Variants in CBFA2T2 observed in about 807,000 individuals in gnomAD.
The protein encoded by CBFA2T2 is protein CBFA2T2.
A neutral mutation model predicts 62.2 loss-of-function variants in CBFA2T2; 11 were observed. The ratio of observed to expected loss-of-function variants is 0.18; its 90% CI spans 0.11 to 0.29. The LOEUF (loss-of-function observed/expected upper bound fraction) is 0.29. Among genes scored for constraint, CBFA2T2 ranks in the 10% least tolerant of loss-of-function variants. The pLI, the probability that CBFA2T2 is intolerant of heterozygous loss-of-function variation, is 1.00. For synonymous variants in CBFA2T2, 295 were observed against 287.5 expected (o/e 1.03, Z -0.27); for missense variants, 592 against 774.1 (o/e 0.76, Z 2.79).
At chr20:33,587,381 C>T (rs925803912) in intron 1 of CBFA2T2, among the ~76,000 whole-genome samples, 2 of 152,208 alleles carry the variant, frequency 1.3e-5, no homozygotes, top group Admixed American at 1.3e-4. Context: ...ATTCTCCTGC[C>T]TCAGCCTCCC....
At chr20:33,494,293 T>C (rs2011176770) in intron 1 of CBFA2T2, among the ~76,000 whole-genome samples, 1 of 89,588 alleles carries the variant, frequency 1.1e-5, no homozygotes, top group Non-Finnish European at 2.3e-5. Context: ...TTTTTTTTTT[T>C]TTTTTTGAGA....
rs759083006 is a variant in CBFA2T2, at chr20:33,644,499, C to G, written c.1641C>G (p.Gly547=). The change falls in exon 11 of 11, where the codon GGC becomes GGG. Residue 547 remains glycine (G), a synonymous_variant. Transcript: ENST00000342704. The part of the protein sequence containing the change: ...NLHGQSPHGQ[G]RPLLPVGRGS... ...ATGGCCAGAGCCCCCACGGCCAGGGCCGGCCGCTGCTTCCTGTAGGCAGGG... is the reference window on the plus strand; with the variant it reads ...ATGGCCAGAGCCCCCACGGCCAGGGGCGGCCGCTGCTTCCTGTAGGCAGGG... 2.0e-5 allele frequency: 32 copies of G among 1,614,000 alleles called. No individual in the cohort carries two copies. Among genetic ancestry groups the G allele is most frequent in the Admixed American group, 6.7e-5 (4 of 60,006 alleles).
Position 33,603,382 on chromosome 20 carries a change from A to G in CBFA2T2, c.35-3574A>G, listed in dbSNP as rs373659946. Among the ~76,000 whole-genome samples the G allele has an allele frequency of 1.8e-4, 28 of 152,312 alleles. No homozygotes were observed. In the East Asian group the frequency reaches 2.3e-3, roughly 13 times the overall value. On this transcript the variant is annotated intron_variant, in intron 1 of 10. Coordinates refer to ENST00000342704, the MANE Select transcript of CBFA2T2 (RefSeq NM_001032999.3). ...CATACTTTTCCATTTTGACTCATCA[A>G]GTTCTTTGGCTTCCCATGGTTTAGG...
At chr20:33,523,762 G>A (rs1452783648) in intron 1 of CBFA2T2, among the ~76,000 whole-genome samples, 3 of 152,052 alleles carry the variant, frequency 2.0e-5, no homozygotes, top group African/African-American at 2.4e-5. Flanking sequence ...GATCCTCACC[G>A]CAACCTCCGC....
At chr20:33,543,694 G>A (rs2012464587) in intron 1 of CBFA2T2, among the ~76,000 whole-genome samples, 1 of 152,174 alleles carries the variant, frequency 6.6e-6, no homozygotes, top group Non-Finnish European at 1.5e-5. Flanking sequence ...AAGTGAGTGT[G>A]TGCTGAGGTG....
intron 1 of CBFA2T2, among the ~76,000 whole-genome samples, chr20:33,512,545 CT>C (rs1308636579): frequency 6.6e-6 from 1 of 152,120 alleles, no homozygotes; most frequent in East Asian, 1.9e-4. Flanking sequence ...TATCTGGCTT[CT>C]TTTGCTCAAC....
intron 1 of CBFA2T2, among the ~76,000 whole-genome samples, chr20:33,497,659 C>T (rs1179126957): frequency 6.6e-6 from 1 of 150,476 alleles, no homozygotes; most frequent in Non-Finnish European, 1.5e-5. Context: ...CAGCGATTCT[C>T]CTGCCTCCGC....
In CBFA2T2 at chr20:33,640,338, TAGAAGA is replaced by T; in HGVS notation, c.1298_1303del (p.Glu433_Glu434del). 1 of 1,610,382 alleles carries T rather than the reference TAGAAGA, an allele frequency of 6.2e-7. No individual in the cohort carries two copies. Among genetic ancestry groups the T allele is most frequent in the Non-Finnish European group, 8.5e-7 (1 of 1,177,362 alleles). ...AGTTGATTTTACTGTCACTTTCTTC[TAGAAGA>T]AGCTGTGAATAAGGTGAAAATTCAG... On this transcript the variant is annotated splice_acceptor_variant and coding_sequence_variant, in exon 10 of 11. Coordinates refer to ENST00000342704, the MANE Select transcript of CBFA2T2 (RefSeq NM_001032999.3). LOFTEE classifies it high-confidence loss of function.
intron 1 of CBFA2T2, among the ~76,000 whole-genome samples, chr20:33,519,108 T>C (rs1033092550): frequency 2.0e-5 from 3 of 152,166 alleles, no homozygotes; most frequent in African/African-American, 7.2e-5. Flanking sequence ...TATTTGGCCC[T>C]CTGTTTCTGT....
chr20:33,545,756 A>G (rs750835932), intron 1 of CBFA2T2, among the ~76,000 whole-genome samples: 1 of 152,182 alleles, frequency 6.6e-6, no homozygotes, highest in Non-Finnish European at 1.5e-5. Flanking sequence ...ACTTTTTCTT[A>G]TCTTTTTGCA....
intron 1 of CBFA2T2, among the ~76,000 whole-genome samples, chr20:33,493,068 G>GTTTTTT (rs1157324208): frequency 1.1e-3 from 101 of 88,070 alleles, no homozygotes; most frequent in Non-Finnish European, 1.5e-3. Context: ...TGAAGTTTTG[G>GTTTTTT]TTTTTTTTTT....
In CBFA2T2 at chr20:33,628,435, T is replaced by C. The variant is rs920464954; in HGVS notation, c.1032T>C (p.His344=). The C allele has an allele frequency of 2.5e-6, 4 of 1,603,618 alleles. No individual in the cohort carries two copies. The highest frequency in any genetic ancestry group is 1.1e-5 in the South Asian group (1 of 90,890). Residue 344 remains histidine, a splice_region_variant and synonymous_variant, in exon 7 of 11, where the codon CAT becomes CAC. Coordinates refer to ENST00000342704, the MANE Select transcript of CBFA2T2 (RefSeq NM_001032999.3). The part of the protein sequence containing the change: ...EWADEWKHLD[H]ALNCIMEMVE... ...CTGATGAATGGAAACATCTTGACCA[T>C]GTAAGAATCTTGTAGTGTGTAATGT... is the stretch of plus-strand genomic sequence containing the variant.
At chr20:33,553,394 T>C (rs1035408979) in intron 1 of CBFA2T2, among the ~76,000 whole-genome samples, 3 of 152,186 alleles carry the variant, frequency 2.0e-5, no homozygotes, top group African/African-American at 4.8e-5. Flanking sequence ...GCCTGGCTAA[T>C]TTTTTGTGTG....
intron 1 of CBFA2T2, among the ~76,000 whole-genome samples, chr20:33,597,386 C>T (rs111519316): frequency 7.9e-5 from 12 of 152,296 alleles, no homozygotes; most frequent in African/African-American, 2.6e-4. Context: ...TATTTAACTG[C>T]ATTCCACTAC....
chr20:33,532,320 G>A (rs1362734923), intron 1 of CBFA2T2, among the ~76,000 whole-genome samples: 3 of 152,308 alleles, frequency 2.0e-5, no homozygotes, highest in South Asian at 4.1e-4. Flanking sequence ...GGTACACAAC[G>A]AAGAGGGAAC....
chr20:33,500,788 T>A (rs1046331037), intron 1 of CBFA2T2, among the ~76,000 whole-genome samples: 2 of 152,188 alleles, frequency 1.3e-5, no homozygotes, highest in South Asian at 4.1e-4. Context: ...TATGAGACCT[T>A]GTTCAGGGGT....
intron 1 of CBFA2T2, among the ~76,000 whole-genome samples, chr20:33,522,606 G>A (rs868422078): frequency 5.3e-5 from 8 of 151,968 alleles, no homozygotes; most frequent in Non-Finnish European, 1.0e-4. Flanking sequence ...GCTGGGCTTC[G>A]TGATATGTGC....
chr20:33,507,112 G>T (rs899446182), intron 1 of CBFA2T2, among the ~76,000 whole-genome samples: 3 of 152,298 alleles, frequency 2.0e-5, no homozygotes, highest in African/African-American at 7.2e-5. Context: ...AGGACAAACA[G>T]CTAATTATAC....
At chr20:33,493,057 T>C (rs1238306989) in intron 1 of CBFA2T2, among the ~76,000 whole-genome samples, 2 of 150,536 alleles carry the variant, frequency 1.3e-5, no homozygotes, top group Non-Finnish European at 3.0e-5. Context: ...CCGCCCTTGA[T>C]TGAAGTTTTG....
Sources: gnomAD v4.1 joint callset for allele counts (sites outside exome capture counted in the v4.1 genomes callset) on GRCh38, gnomAD v4.1.1 for gene constraint, MANE v1.5 for transcripts, NCBI Gene and HGNC (gene_info 2026-07-23, HGNC 2026-07-21) for gene names.